The following ETFDH variants were observed in gnomAD, a reference collection of about 807,000 sequenced individuals.
ETFDH encodes electron transfer flavoprotein-ubiquinone oxidoreductase, mitochondrial.
A neutral mutation model predicts 73.2 loss-of-function variants in ETFDH; 61 were observed. That is an observed-to-expected ratio of 0.83 (90% CI 0.68 to 1.03). ETFDH has a LOEUF of 1.03. Among genes scored for constraint, ETFDH ranks in the 50% least tolerant of loss-of-function variants. ETFDH has a pLI of 0.00. For missense variants in ETFDH, 685 were observed against 745.0 expected, an observed-to-expected ratio of 0.92 and a Z score of 0.94; for synonymous variants, 243 against 253.3, an observed-to-expected ratio of 0.96 and a Z score of 0.39.
At chr4:158,690,577 G>A (rs1371534432) in intron 6 of ETFDH, 152 bp downstream of exon 6, 1 of 671,696 alleles carries the variant, frequency 1.5e-6, no homozygotes, top group South Asian at 1.6e-5. Context: ...TACTTTGGAG[G>A]CTGAAACAGG....
rs1321081220 is a variant in ETFDH at position 158,705,182 on chromosome 4, T to C, written c.1286-1007T>C. Among the ~76,000 whole-genome samples the C allele has an allele frequency of 3.3e-5, 5 of 152,050 alleles. No individual in the cohort carries two copies. In the East Asian group the frequency reaches 9.7e-4, roughly 29 times the overall value. On this transcript the variant is annotated intron_variant, in intron 10 of 12. Coordinates refer to ENST00000511912, the MANE Select transcript of ETFDH (RefSeq NM_004453.4). ...TTTATTAAGTGCATGCACCAAGTTTTCTCTATGAAGTGGTGGGTTTGTTTT... is the reference window on the plus strand; with the variant it reads ...TTTATTAAGTGCATGCACCAAGTTTCCTCTATGAAGTGGTGGGTTTGTTTT...
chr4:158,690,207 T>C, intron 5 of ETFDH, 141 bp from the exon 6 acceptor site: 1 of 637,630 alleles, frequency 1.6e-6, no homozygotes, highest in Non-Finnish European at 2.8e-6. Context: ...TGTCTCTTTA[T>C]TACCTGAACA....
Position 158,685,410 on chromosome 4 carries a change from G to A in ETFDH, c.606+191G>A, listed in dbSNP as rs559471676. Among the ~76,000 whole-genome samples, 4 of 152,260 alleles carry A rather than the reference G, an allele frequency of 2.6e-5. No homozygotes were observed. The East Asian group carries it at 7.7e-4, about 29-fold the overall frequency. On this transcript the variant is annotated intron_variant, in intron 5 of 12. Coordinates refer to ENST00000511912, the MANE Select transcript of ETFDH (RefSeq NM_004453.4). ...ATTCCTCATGTTGTACCCCCATCAA[G>A]TGATTATCCAACTTATGATTGATCA...
Position 158,684,596 on chromosome 4 carries a change from C to T in ETFDH, c.410C>T (p.Pro137Leu), listed in dbSNP as rs1019854055. 3 of 1,520,068 alleles carry T rather than the reference C, an allele frequency of 2.0e-6. No individual in the cohort carries two copies. The highest frequency in any genetic ancestry group is 3.4e-5 in the Admixed American group (2 of 59,670). 94.2% of individuals were successfully genotyped at this position (1,520,068 alleles called of 1,614,324 possible). A position where few individuals can be genotyped will look rare whatever the true frequency, so the allele number is the denominator to read the frequency against. Reference sequence around the variant, plus strand: ...TTTTTCTTCTTTTATTTCTAGGCTCCACTTAACACTCCTGTAACAGAAGAC... The same window carrying T: ...TTTTTCTTCTTTTATTTCTAGGCTCTACTTAACACTCCTGTAACAGAAGAC... The part of the protein sequence containing the change: ...LFPDWKEKGA[P>L]LNTPVTEDRF... The change falls in exon 4 of 13, where the codon CCA (proline) becomes CTA (leucine). Residue 137 changes from proline (P) to leucine (L), a missense_variant. Pro to Leu is a moderately conservative substitution (Grantham distance 98). This residue lies in a region of ETFDH where 405 missense variants were observed against 399.3 expected (regional missense o/e 1.01). Transcript: ENST00000511912.
chr4:158,696,791 G>T (rs1254679408), intron 7 of ETFDH, among the ~76,000 whole-genome samples: 2 of 152,158 alleles, frequency 1.3e-5, no homozygotes, highest in East Asian at 3.9e-4. Context: ...GAGAATACAT[G>T]TCCATTATGA....
Position 158,683,692 on chromosome 4 carries a change from A to T in ETFDH, c.406-900A>T, listed in dbSNP as rs541424379. Among the ~76,000 whole-genome samples, 11 of 151,830 alleles carry T rather than the reference A, an allele frequency of 7.2e-5. No homozygotes were observed. In the East Asian group the frequency reaches 7.8e-4, roughly 11 times the overall value. On this transcript the variant is annotated intron_variant, in intron 3 of 12. Transcript: ENST00000511912. ...CCTCCGGGGCTCAAGTAATCCTCCCACCTCAGCCCCCTTAGTAGCTGGGAT... is the reference window on the plus strand; with the variant it reads ...CCTCCGGGGCTCAAGTAATCCTCCCTCCTCAGCCCCCTTAGTAGCTGGGAT...
At chr4:158,706,434 TAGAG>T in intron 11 of ETFDH, 63 bp downstream of exon 11, 1 of 1,325,450 alleles carries the variant, frequency 7.5e-7, no homozygotes, top group Non-Finnish European at 1.1e-6. Flanking sequence ...ATCTGTTAAT[TAGAG>T]AAAGTGATTG....
chr4:158,687,345 AGAGACATT>A (rs749129033), intron 5 of ETFDH, among the ~76,000 whole-genome samples: 13 of 152,188 alleles, frequency 8.5e-5, no homozygotes, highest in Non-Finnish European at 2.9e-5. Flanking sequence ...GGAAGGTCAG[AGAGACATT>A]GAAGCTTCTT....
intron 3 of ETFDH, 31 bp downstream of exon 3, chr4:158,682,455 A>G: frequency 6.7e-7 from 1 of 1,497,838 alleles, no homozygotes. Context: ...TACAAAGTCT[A>G]ATCTTTTGTA....
intron 1 of ETFDH, chr4:158,680,121 ATAC>A: frequency 6.3e-6 from 1 of 157,538 alleles, no homozygotes. Context: ...AAAGAAGAAG[ATAC>A]TGCCTTAAGA....
chr4:158,691,980 T>C (rs542858359), intron 6 of ETFDH, among the ~76,000 whole-genome samples: 1 of 152,334 alleles, frequency 6.6e-6, no homozygotes, highest in Non-Finnish European at 1.5e-5. Flanking sequence ...AGGTACCTAT[T>C]AGGTATCAGT....
At chr4:158,689,677 T>G in intron 5 of ETFDH, among the ~76,000 whole-genome samples, 1 of 143,804 alleles carries the variant, frequency 7.0e-6, no homozygotes, top group Non-Finnish European at 1.5e-5. Context: ...GCTAATCTTT[T>G]CTTGTACTTC....
Position 158,682,233 on chromosome 4 carries a change from G to A in ETFDH, c.214G>A (p.Val72Ile), listed in dbSNP as rs1159738568. ...MERFAEEADVVIVGAGPAGLS... is the reference protein window; with the variant it reads ...MERFAEEADVIIVGAGPAGLS... ...AAGGTTTGCAGAAGAAGCAGATGTT[G>A]TAATAGTTGGTGCAGGCCCTGCAGG... The change falls in exon 3 of 13, where the codon GTA becomes ATA. Residue 72 changes from valine (V) to isoleucine (I), a missense_variant. Physicochemically the swap from Val to Ile is conservative, Grantham distance 29 (BLOSUM62 3). Coordinates refer to ENST00000511912, the MANE Select transcript of ETFDH (RefSeq NM_004453.4). The A allele has an allele frequency of 2.5e-6, 4 of 1,614,190 alleles. No individual in the cohort carries two copies. The highest frequency in any genetic ancestry group is 1.7e-5 in the Admixed American group (1 of 60,030).
intron 1 of ETFDH, 43 bp downstream of exon 1, chr4:158,672,533 C>T: frequency 6.3e-7 from 1 of 1,599,222 alleles, no homozygotes; most frequent in Non-Finnish European, 8.6e-7. Flanking sequence ...GGAGTTAGGG[C>T]AAAAGGGACA....
intron 1 of ETFDH, among the ~76,000 whole-genome samples, chr4:158,673,958 A>G (rs970480812): frequency 6.6e-6 from 1 of 152,210 alleles, no homozygotes; most frequent in African/African-American, 2.4e-5. Flanking sequence ...AAAGTGAGAT[A>G]TCAGATGTGT....
intron 10 of ETFDH, 23 bp downstream of exon 10, chr4:158,703,614 A>G (rs752155451): frequency 2.1e-6 from 3 of 1,457,762 alleles, no homozygotes; most frequent in South Asian, 2.3e-5. Context: ...TGTGTAAAGT[A>G]TACAAAAGAA....
chr4:158,686,578 T>A (rs76661832), intron 5 of ETFDH, among the ~76,000 whole-genome samples: 1,765 of 152,258 alleles, frequency 0.012, 26 homozygotes, highest in African/African-American at 0.038. Context: ...GGAGCAGAAC[T>A]CCTCTGGAGT....
chr4:158,699,240 G>C (rs1373876430), intron 9 of ETFDH, 110 bp downstream of exon 9: 1 of 926,892 alleles, frequency 1.1e-6, no homozygotes, highest in Non-Finnish European at 1.7e-6. Flanking sequence ...AATAGGAAAA[G>C]TATGTAGAGT....
In ETFDH at chr4:158,695,605, A is replaced by C. The variant is rs768433126; in HGVS notation, c.793A>C (p.Asn265His). Residue 265 changes from asparagine to histidine, a missense_variant, in exon 7 of 13, where the codon AAT becomes CAT. Around this residue, in one of 3 missense-constraint regions of ETFDH, gnomAD observed 405 missense variants for 399.3 expected, o/e 1.01. Coordinates refer to ENST00000511912, the MANE Select transcript of ETFDH (RefSeq NM_004453.4). ...ATATAAGAAGTTTGATTTGAGAGCAAATTGTGAACCTCAAACCTACGGGAT... is the reference window on the plus strand; with the variant it reads ...ATATAAGAAGTTTGATTTGAGAGCACATTGTGAACCTCAAACCTACGGGAT... Reference protein sequence around the residue: ...QLYKKFDLRANCEPQTYGIGL... With the variant: ...QLYKKFDLRAHCEPQTYGIGL... 6.2e-7 allele frequency: 1 copy of C among 1,612,138 alleles called. No homozygotes were observed. The highest frequency in any genetic ancestry group is 1.3e-5 in the African/African-American group (1 of 74,894).
Sources: gnomAD v4.1 joint callset for allele counts (sites outside exome capture counted in the v4.1 genomes callset) on GRCh38, gnomAD v4.1.1 for gene constraint, gnomAD v4.1.1 regional missense constraint, MANE v1.5 for transcripts, NCBI Gene and HGNC (gene_info 2026-07-23, HGNC 2026-07-21) for gene names.